The following TPD52 variants were observed in gnomAD, a reference collection of about 807,000 sequenced individuals.
The protein encoded by TPD52 is tumor protein D52.
A neutral mutation model predicts 31.3 loss-of-function variants in TPD52; 17 were observed. The observed-to-expected ratio is 0.54, with a 90% confidence interval of 0.37 to 0.82. The LOEUF (loss-of-function observed/expected upper bound fraction) is 0.82, where lower values mean the gene tolerates loss of function less well. TPD52 is among the 40% of genes least tolerant of loss of function. The pLI is 0.00. For missense variants in TPD52, 212 were observed against 240.1 expected (o/e 0.88, Z 0.77); for synonymous variants, 83 against 89.6 (o/e 0.93, Z 0.42).
At chr8:80,060,972 A>G (rs1434297431) in intron 2 of TPD52, among the ~76,000 whole-genome samples, 3 of 152,248 alleles carry the variant, frequency 2.0e-5, no homozygotes, top group Non-Finnish European at 4.4e-5. Flanking sequence ...CAAAGCAGTT[A>G]GACAAGAAAA....
At chr8:80,072,788 C>G (rs955467313) in intron 1 of TPD52, among the ~76,000 whole-genome samples, 1 of 142,256 alleles carries the variant, frequency 7.0e-6, no homozygotes, top group African/African-American at 3.0e-5. Context: ...TACACATACA[C>G]ACACACACAC....
At chr8:80,130,846 G>A (rs1185575021) in intron 1 of TPD52, among the ~76,000 whole-genome samples, 1 of 151,978 alleles carries the variant, frequency 6.6e-6, no homozygotes, top group Non-Finnish European at 1.5e-5. Context: ...CTGATTTCAG[G>A]GCTCCGTTAA....
intron 1 of TPD52, among the ~76,000 whole-genome samples, chr8:80,126,512 C>CA (rs1808618764): frequency 7.3e-6 from 1 of 136,398 alleles, no homozygotes; most frequent in Admixed American, 7.9e-5. Context: ...GACAGGGTCT[C>CA]ACTCTGTTAC....
chr8:80,067,746 T>C (rs1435358221), intron 1 of TPD52, among the ~76,000 whole-genome samples: 1 of 151,758 alleles, frequency 6.6e-6, no homozygotes, highest in Non-Finnish European at 1.5e-5. Context: ...ACCTGAAAGG[T>C]ATCTAGAAGC....
At chr8:80,088,133 G>T (rs150604316) in intron 1 of TPD52, among the ~76,000 whole-genome samples, 1 of 152,274 alleles carries the variant, frequency 6.6e-6, no homozygotes, top group Non-Finnish European at 1.5e-5. Flanking sequence ...CCAAGTCCCT[G>T]TCCTCTCCAT....
At chr8:80,144,432 A>G (rs973055963) in intron 1 of TPD52, among the ~76,000 whole-genome samples, 2 of 152,208 alleles carry the variant, frequency 1.3e-5, no homozygotes, top group African/African-American at 4.8e-5. Context: ...AGGCACTTCC[A>G]GCTGAGGTTA....
At chr8:80,118,595 CA>C (rs1283556413) in intron 1 of TPD52, among the ~76,000 whole-genome samples, 12 of 152,088 alleles carry the variant, frequency 7.9e-5, no homozygotes, top group African/African-American at 2.9e-4. Flanking sequence ...AAAAGACAAC[CA>C]AATTTTCAAG....
chr8:80,070,461 A>G (rs1386703014), intron 1 of TPD52, among the ~76,000 whole-genome samples: 1 of 152,104 alleles, frequency 6.6e-6, no homozygotes, highest in Non-Finnish European at 1.5e-5. Context: ...TGATTTTGAG[A>G]GGAAACTGTT....
At chr8:80,132,457 C>G (rs1809087659) in intron 1 of TPD52, among the ~76,000 whole-genome samples, 1 of 152,150 alleles carries the variant, frequency 6.6e-6, no homozygotes, top group Non-Finnish European at 1.5e-5. Flanking sequence ...ATCCATCCAC[C>G]TCAGGCTTCC....
chr8:80,075,087 C>A (rs1388461733), intron 1 of TPD52, among the ~76,000 whole-genome samples: 13 of 152,120 alleles, frequency 8.5e-5, no homozygotes, highest in East Asian at 3.9e-4. Flanking sequence ...TCAAGCAATT[C>A]TCCTGCCTCA....
chr8:80,075,078 C>G (rs866041811), intron 1 of TPD52, among the ~76,000 whole-genome samples: 10 of 152,112 alleles, frequency 6.6e-5, no homozygotes, highest in Admixed American at 3.3e-4. Context: ...CTCCCAAGTT[C>G]AAGCAATTCT....
At chr8:80,079,581 T>C (rs1198976498) in intron 1 of TPD52, among the ~76,000 whole-genome samples, 1 of 152,206 alleles carries the variant, frequency 6.6e-6, no homozygotes, top group Non-Finnish European at 1.5e-5. Context: ...AATTAACTTC[T>C]GGAAAAACCT....
chr8:80,139,313 T>A (rs538503612), intron 1 of TPD52, among the ~76,000 whole-genome samples: 48 of 152,324 alleles, frequency 3.2e-4, no homozygotes, highest in African/African-American at 1.2e-3. Flanking sequence ...TTCACTGGTT[T>A]TTAGTATATT....
chr8:80,157,768 T>C (rs1811072885), intron 1 of TPD52, among the ~76,000 whole-genome samples: 1 of 152,242 alleles, frequency 6.6e-6, no homozygotes, highest in African/African-American at 2.4e-5. Context: ...GAAAGTATAA[T>C]ACTTTCATTC....
chr8:80,108,258 A>G (rs1807268080), intron 1 of TPD52, among the ~76,000 whole-genome samples: 1 of 152,184 alleles, frequency 6.6e-6, no homozygotes, highest in Non-Finnish European at 1.5e-5. Flanking sequence ...ATCTCATGAC[A>G]TTTTTCATGA....
At chr8:80,120,001 G>A (rs1422482141) in intron 1 of TPD52, 6 of 243,032 alleles carry the variant, frequency 2.5e-5, no homozygotes, top group Non-Finnish European at 4.1e-5. Context: ...AAGTTACTAA[G>A]AGACTGACAA....
chr8:80,072,889 A>G, intron 1 of TPD52, among the ~76,000 whole-genome samples: 1 of 151,696 alleles, frequency 6.6e-6, no homozygotes, highest in East Asian at 1.9e-4. Flanking sequence ...GATCACTTGA[A>G]GCCAGGAATT....
At chr8:80,107,127 A>T (rs1294991264) in intron 1 of TPD52, among the ~76,000 whole-genome samples, 1 of 152,192 alleles carries the variant, frequency 6.6e-6, no homozygotes, top group African/African-American at 2.4e-5. Flanking sequence ...CTGGGATTAC[A>T]GGCGTGAGCC....
chr8:80,049,452 C>T (rs1811160337), intron 5 of TPD52, among the ~76,000 whole-genome samples: 1 of 152,156 alleles, frequency 6.6e-6, no homozygotes, highest in South Asian at 2.1e-4. Context: ...AATAGTTCAA[C>T]ATTTAGAGTT....
Sources: gnomAD v4.1 joint callset for allele counts (sites outside exome capture counted in the v4.1 genomes callset) on GRCh38, gnomAD v4.1.1 for gene constraint, MANE v1.5 for transcripts, NCBI Gene and HGNC (gene_info 2026-07-23, HGNC 2026-07-21) for gene names.